The following KCTD1 variants were observed in gnomAD, a reference collection of about 807,000 sequenced individuals.
KCTD1 encodes the protein potassium channel tetramerization domain containing 1, also known as BTB/POZ domain-containing protein KCTD1.
A neutral mutation model predicts 66.0 loss-of-function variants in KCTD1; 24 were observed. The observed-to-expected ratio is 0.36, with a 90% CI of 0.26 to 0.51. The LOEUF is 0.51. KCTD1 is among the 20% of genes least tolerant of loss of function. The probability of loss-of-function intolerance (pLI) is 0.95; values close to 1 mark genes in which losing one functional copy is unlikely to be tolerated. For synonymous variants in KCTD1, 511 were observed against 517.2 expected (o/e 0.99, Z 0.16); for missense variants, 943 against 1,205.2 (o/e 0.78, Z 3.22).
chr18:26,642,164 C>T (rs190966816), upstream of KCTD1, among the ~76,000 whole-genome samples: 8 of 152,220 alleles, frequency 5.3e-5, no homozygotes, highest in Middle Eastern at 3.4e-3. Flanking sequence ...GTGACAGACT[C>T]GACCCAGGAA....
intron 1 of KCTD1, among the ~76,000 whole-genome samples, chr18:26,593,891 GGAGGAGGAAGATGAGGAGGAC>G (rs1197706401): frequency 4.0e-5 from 6 of 150,992 alleles, no homozygotes; most frequent in South Asian, 2.1e-4. Flanking sequence ...ATAAGGAGGA[GGAGGAGGAAGATGAGGAGGAC>G]GAGGAGGAAG....
chr18:26,625,400 T>C (rs758256989), intron 1 of KCTD1, among the ~76,000 whole-genome samples: 7 of 152,278 alleles, frequency 4.6e-5, no homozygotes, highest in Non-Finnish European at 8.8e-5. Context: ...AAATGAATCA[T>C]AGGGGTGGTT....
At chr18:26,593,733 T>TATG (rs1265111665) in intron 1 of KCTD1, among the ~76,000 whole-genome samples, 2 of 47,792 alleles carry the variant, frequency 4.2e-5, no homozygotes, top group African/African-American at 2.0e-4. Context: ...AGGAGAAAGA[T>TATG]GAGGAGGAGG....
chr18:26,528,458 C>T (rs764440052), intron 1 of KCTD1, among the ~76,000 whole-genome samples: 3 of 152,166 alleles, frequency 2.0e-5, no homozygotes, highest in Non-Finnish European at 4.4e-5. Flanking sequence ...GCCTATACTC[C>T]GCCATCTCTC....
chr18:26,546,891 G>A lies in KCTD1; in HGVS notation c.1646C>T (p.Pro549Leu). Residue 549 changes from proline to leucine, a missense_variant, in exon 1 of 5, where the codon CCC (proline) becomes CTC (leucine). Pro to Leu is a moderately conservative substitution (Grantham distance 98). Transcript: ENST00000580059. ...GATACAAAGTCTTTTGGGGGAAGTG[G>A]GGCCGCAGATTTCCCCCGACCCGAA... ...SVFGSGEICGPTSPKRLCIRP... is the reference protein window; with the variant it reads ...SVFGSGEICGLTSPKRLCIRP... 6.7e-7 allele frequency: 1 copy of A among 1,485,568 alleles called. No individual in the cohort carries two copies. The highest frequency in any genetic ancestry group is 9.0e-7 in the Non-Finnish European group (1 of 1,116,892). The allele number at this position is 1,485,568 out of a possible 1,614,324, so 92.0% of individuals were successfully genotyped here.
intron 1 of KCTD1, among the ~76,000 whole-genome samples, chr18:26,593,272 A>G (rs1194352526): frequency 1.3e-5 from 2 of 151,740 alleles, no homozygotes; most frequent in East Asian, 3.9e-4. Flanking sequence ...GAGGAGGAGG[A>G]GGAAGACAAG....
In KCTD1 at chr18:26,468,199, T is replaced by C. The variant is rs576098142; in HGVS notation, c.2134-8274A>G. Among the ~76,000 whole-genome samples, 106 of 151,798 alleles carry C rather than the reference T, an allele frequency of 7.0e-4. No individual in the cohort carries two copies. The highest frequency in any genetic ancestry group is 2.5e-3 in the African/African-American group (102 of 41,320). On this transcript the variant is annotated intron_variant, in intron 3 of 4. Transcript: ENST00000580059. The surrounding 1 kb of genome is among the most constrained non-coding windows in gnomAD (Gnocchi z 4.8). The stretch of plus-strand genomic sequence containing the variant: ...CAGTAAAATTGGAGGGAGGGGAAAA[T>C]TAAGGGAAGAGGGACAGTCATATCC...
At chr18:26,578,501 C>T (rs1986281504) in intron 1 of KCTD1, among the ~76,000 whole-genome samples, 1 of 152,148 alleles carries the variant, frequency 6.6e-6, no homozygotes. Context: ...TTGCATCTTA[C>T]TCATTTTTTT....
chr18:26,549,492 A>C, upstream of KCTD1: 1 of 974,488 alleles, frequency 1.0e-6, no homozygotes, highest in Non-Finnish European at 1.2e-6. Flanking sequence ...GGGAGGGGAG[A>C]CGAGGGAAGA....
At chr18:26,633,489 T>C (rs1024124620), upstream of KCTD1, among the ~76,000 whole-genome samples, 2 of 152,132 alleles carry the variant, frequency 1.3e-5, no homozygotes, top group Admixed American at 6.6e-5. Flanking sequence ...GATCCCATAA[T>C]ACACACAATT....
At chr18:26,535,004 T>C (rs1199910593) in intron 1 of KCTD1, among the ~76,000 whole-genome samples, 5 of 149,912 alleles carry the variant, frequency 3.3e-5, no homozygotes, top group Admixed American at 6.9e-5. Flanking sequence ...GTTCTTGTAG[T>C]AAGAAGTCAG....
intron 1 of KCTD1, among the ~76,000 whole-genome samples, chr18:26,571,926 A>G (rs918099289): frequency 6.6e-6 from 1 of 152,196 alleles, no homozygotes; most frequent in Non-Finnish European, 1.5e-5. Context: ...AAGAAGAACA[A>G]ATTAACCCAT....
At chr18:26,544,897 T>C (rs1025250211) in intron 1 of KCTD1, 2 of 152,204 alleles carry the variant, frequency 1.3e-5, no homozygotes, top group East Asian at 3.8e-4. Flanking sequence ...AAGCCATATA[T>C]GGACACTCAA....
intron 1 of KCTD1, among the ~76,000 whole-genome samples, chr18:26,515,219 G>C (rs1983591474): frequency 6.6e-6 from 1 of 152,214 alleles, no homozygotes; most frequent in African/African-American, 2.4e-5. Context: ...TGCATATGAA[G>C]CCATCATTTA....
chr18:26,642,751 T>A (rs1987855778), upstream of KCTD1, among the ~76,000 whole-genome samples: 3 of 152,190 alleles, frequency 2.0e-5, no homozygotes, highest in South Asian at 6.2e-4. Flanking sequence ...CCAAGAGAAG[T>A]TAAAAATAAA....
At chr18:26,656,090 G>A (rs1988130332) in intron 1 of KCTD1, among the ~76,000 whole-genome samples, 1 of 152,130 alleles carries the variant, frequency 6.6e-6, no homozygotes, top group Admixed American at 6.5e-5. Context: ...TCAGAAAGGA[G>A]CCAAACTGAA....
intron 1 of KCTD1, among the ~76,000 whole-genome samples, chr18:26,570,678 T>A (rs892878431): frequency 2.0e-5 from 3 of 152,214 alleles, no homozygotes; most frequent in Non-Finnish European, 4.4e-5. Context: ...CCCAAAGTGC[T>A]GGGATTACAG....
chr18:26,476,404 G>T lies in KCTD1; in HGVS notation c.2133+111C>A, dbSNP rs1981347651. ...AGTGAACCATGTCAAAGAGAACTCT[G>T]GCACCTTTCGAGTTGGTGTATGTTA... is the stretch of plus-strand genomic sequence containing the variant. On this transcript the variant is annotated intron_variant, in intron 3 of 4. Coordinates refer to ENST00000580059, the MANE Select transcript of KCTD1 (RefSeq NM_001142730.3). The surrounding 1 kb of genome is among the most constrained non-coding windows in gnomAD (Gnocchi z 4.9). 11 of 985,410 alleles carry T rather than the reference G, an allele frequency of 1.1e-5. No individual in the cohort carries two copies. In the East Asian group the frequency reaches 3.0e-4, roughly 26 times the overall value. The allele number at this position is 985,410 out of a possible 1,614,324, so 61.0% of individuals were successfully genotyped here.
intron 1 of KCTD1, among the ~76,000 whole-genome samples, chr18:26,514,262 G>A (rs1487760455): frequency 1.3e-5 from 2 of 152,082 alleles, no homozygotes; most frequent in African/African-American, 2.4e-5. Flanking sequence ...AAGGTGTGGG[G>A]GAGGAGAGAG....
Sources: gnomAD v4.1 joint callset for allele counts (sites outside exome capture counted in the v4.1 genomes callset) on GRCh38, gnomAD v4.1.1 for gene constraint, Gnocchi (gnomAD v3.1) non-coding constraint, MANE v1.5 for transcripts, NCBI Gene and HGNC (gene_info 2026-07-23, HGNC 2026-07-21) for gene names.